Variants in KCNQ1OT1 observed in about 807,000 individuals in gnomAD.
The protein encoded by KCNQ1OT1 is KCNQ1 antisense RNA 2 (non-protein coding).
At position 2,615,495 on chromosome 11, in the gene KCNQ1OT1, A is replaced by G. The variant is rs1849045980; in HGVS notation, n.84500T>C. ...TATCTTACTCTTTGTTATGGGAGAA[A>G]TTTTTCAGTTTTTTTTCTCATTAAG... On this transcript the variant is annotated non_coding_transcript_exon_variant, in exon 1 of 1. Transcript: ENST00000597346. The G allele has an allele frequency of 7.5e-6, 3 of 397,764 alleles. No individual in the cohort carries two copies. The Admixed American group carries it at 1.3e-4, about 18-fold the overall frequency. The allele number at this position is 397,764 out of a possible 1,614,324, so 24.6% of individuals were successfully genotyped here.
At chr11:2,684,107 A>T (rs1211326790) in exon 1 of KCNQ1OT1, 1 of 398,526 alleles carries the variant, frequency 2.5e-6, no homozygotes, top group Non-Finnish European at 4.4e-6. Context: ...GAACCCTTTC[A>T]CATAGATTCT....
chr11:2,692,106 C>T (rs1272338265), exon 1 of KCNQ1OT1: 2 of 398,668 alleles, frequency 5.0e-6, no homozygotes, highest in African/African-American at 4.1e-5. Context: ...TCTCCACAGC[C>T]TCCATCATTT....
exon 1 of KCNQ1OT1, chr11:2,680,006 GC>G: frequency 2.5e-6 from 1 of 396,642 alleles, no homozygotes; most frequent in South Asian, 1.4e-4. Flanking sequence ...CAATTCTCCT[GC>G]CTTAGCCTCC....
exon 1 of KCNQ1OT1, chr11:2,656,166 A>G (rs1849844662): frequency 2.5e-6 from 1 of 398,656 alleles, no homozygotes; most frequent in Non-Finnish European, 4.4e-6. Context: ...AAACATCAAA[A>G]TATGTTTTTT....
Position 2,659,494 on chromosome 11 carries a change from A to T in KCNQ1OT1, n.40501T>A. 1 of 398,532 alleles carries T rather than the reference A, an allele frequency of 2.5e-6. No individual in the cohort carries two copies. Among genetic ancestry groups the T allele is most frequent in the Non-Finnish European group, 4.4e-6 (1 of 226,016 alleles). 24.7% of individuals were successfully genotyped at this position (398,532 alleles called of 1,614,324 possible). On this transcript the variant is annotated non_coding_transcript_exon_variant, in exon 1 of 1. Transcript: ENST00000597346. The surrounding 1 kb of genome is among the most constrained non-coding windows in gnomAD (Gnocchi z 4.3). ...TTGCATGAATATATACATTTTGTTT[A>T]TGCATTCACCTGTTGAAGGACATCT... is the stretch of plus-strand genomic sequence containing the variant.
rs1254997863 is a variant in KCNQ1OT1, at chr11:2,659,560, A to G, written n.40435T>C. 4 of 398,448 alleles carry G rather than the reference A, an allele frequency of 1.0e-5. No homozygotes were observed. The highest frequency in any genetic ancestry group is 1.3e-4 in the South Asian group (1 of 7,866). 24.7% of individuals were successfully genotyped at this position (398,448 alleles called of 1,614,324 possible). A position where few individuals can be genotyped will look rare whatever the true frequency, so the allele number is the denominator to read the frequency against. On this transcript the variant is annotated non_coding_transcript_exon_variant, in exon 1 of 1. Transcript: ENST00000597346. This position sits in a 1 kb window ranked among gnomAD's most constrained non-coding sequence, Gnocchi z 4.3. ...TTTGGTAATTATGAGCAGAGTTACT[A>G]TACACATTTATGTACAGGTTTTTGC...
exon 1 of KCNQ1OT1, chr11:2,665,873 G>GA (rs1850058220): frequency 2.5e-6 from 1 of 398,682 alleles, no homozygotes; most frequent in Non-Finnish European, 4.4e-6. Context: ...CTCTGAACTT[G>GA]GGGGCTGTGT....
In KCNQ1OT1 at chr11:2,661,760, A is replaced by G; in HGVS notation, n.38235T>C. The G allele has an allele frequency of 7.7e-6, 5 of 646,938 alleles. No individual in the cohort carries two copies. The highest frequency in any genetic ancestry group is 1.4e-5 in the Non-Finnish European group (5 of 360,230). The allele number at this position is 646,938 out of a possible 1,614,324, so 40.1% of individuals were successfully genotyped here. A position where few individuals can be genotyped will look rare whatever the true frequency, so the allele number is the denominator to read the frequency against. ...ATTCACTGGCCTTTATTCTCCTCAG[A>G]CACTGAGGTGTCAGGCACTTTGGGG... is the stretch of plus-strand genomic sequence containing the variant. On this transcript the variant is annotated non_coding_transcript_exon_variant, in exon 1 of 1. Coordinates refer to ENST00000597346, the Ensembl canonical transcript of KCNQ1OT1. This position sits in a 1 kb window ranked among gnomAD's most constrained non-coding sequence, Gnocchi z 5.9.
At chr11:2,646,582 A>G (rs1043768014) in exon 1 of KCNQ1OT1, 33 of 398,408 alleles carry the variant, frequency 8.3e-5, no homozygotes, top group South Asian at 1.3e-4. Context: ...CTGGGGTGCA[A>G]TGGTGCAATT....
chr11:2,662,554 T>TC, exon 1 of KCNQ1OT1: 2 of 426,468 alleles, frequency 4.7e-6, no homozygotes, highest in Non-Finnish European at 8.3e-6. Context: ...CAGTTGGCCT[T>TC]CCCCTGAGGC....
At position 2,608,962 on chromosome 11, in the gene KCNQ1OT1, G is replaced by T; in HGVS notation, n.91033C>A. The T allele has an allele frequency of 2.5e-6, 1 of 396,388 alleles. No homozygotes were observed. The highest frequency in any genetic ancestry group is 6.3e-4 in the Middle Eastern group (1 of 1,590). The allele number at this position is 396,388 out of a possible 1,614,324, so 24.6% of individuals were successfully genotyped here. A position where few individuals can be genotyped will look rare whatever the true frequency, so the allele number is the denominator to read the frequency against. ...CCTCTCTCTTACCAATCTATCAAAG[G>T]TTTGTTAATTTCAAAGAACCAAATT... On this transcript the variant is annotated non_coding_transcript_exon_variant, in exon 1 of 1. Coordinates refer to ENST00000597346, the Ensembl canonical transcript of KCNQ1OT1. The surrounding 1 kb of genome is among the most constrained non-coding windows in gnomAD (Gnocchi z 4.6).
At position 2,621,427 on chromosome 11, in the gene KCNQ1OT1, T is replaced by C. The variant is rs1849170406; in HGVS notation, n.78568A>G. ...TGCTTGTTGATTGGTTTAAGTTCCT[T>C]ATGGATTCTGGACATAGGACCTTTG... On this transcript the variant is annotated non_coding_transcript_exon_variant, in exon 1 of 1. Transcript: ENST00000597346. The surrounding 1 kb of genome is among the most constrained non-coding windows in gnomAD (Gnocchi z 5.7). 1 of 398,658 alleles carries C rather than the reference T, an allele frequency of 2.5e-6. No homozygotes were observed. Among genetic ancestry groups the C allele is most frequent in the East Asian group, 3.6e-5 (1 of 28,080 alleles). The allele number at this position is 398,658 out of a possible 1,614,324, so 24.7% of individuals were successfully genotyped here.
exon 1 of KCNQ1OT1, chr11:2,634,174 CT>C (rs201811937): frequency 2.0e-5 from 8 of 393,436 alleles, no homozygotes; most frequent in Admixed American, 4.5e-5. Context: ...CTCTCTCTCC[CT>C]TTTTTTTATT....
At position 2,678,993 on chromosome 11, in the gene KCNQ1OT1, A is replaced by T. The variant is rs914570118; in HGVS notation, n.21002T>A. The T allele has an allele frequency of 2.5e-5, 10 of 398,500 alleles. No individual in the cohort carries two copies. Among genetic ancestry groups the T allele is most frequent in the African/African-American group, 1.6e-4 (8 of 48,612 alleles). 24.7% of individuals were successfully genotyped at this position (398,500 alleles called of 1,614,324 possible). ...AAATAGGCCTAATTCAAGAATTTTT[A>T]AAAACCCGCAATAAGAAACATAATC... On this transcript the variant is annotated non_coding_transcript_exon_variant, in exon 1 of 1. Transcript: ENST00000597346. The surrounding 1 kb of genome is among the most constrained non-coding windows in gnomAD (Gnocchi z 4.9).
rs566705390 is a variant in KCNQ1OT1, at chr11:2,647,713, C to G, written n.52282G>C. 1 of 398,364 alleles carries G rather than the reference C, an allele frequency of 2.5e-6. No individual in the cohort carries two copies. The highest frequency in any genetic ancestry group is 2.1e-5 in the African/African-American group (1 of 48,668). 24.7% of individuals were successfully genotyped at this position (398,364 alleles called of 1,614,324 possible). A position where few individuals can be genotyped will look rare whatever the true frequency, so the allele number is the denominator to read the frequency against. Reference sequence around the variant, plus strand: ...GTTCAGATTTTTTTTCTTCCTGGTTCAATCTTGGGAGGTTATATATGTCCA... The same window carrying G: ...GTTCAGATTTTTTTTCTTCCTGGTTGAATCTTGGGAGGTTATATATGTCCA... On this transcript the variant is annotated non_coding_transcript_exon_variant, in exon 1 of 1. Coordinates refer to ENST00000597346, the Ensembl canonical transcript of KCNQ1OT1. This position sits in a 1 kb window ranked among gnomAD's most constrained non-coding sequence, Gnocchi z 4.0.
chr11:2,616,508 C>CA (rs1209865592), exon 1 of KCNQ1OT1: 4 of 397,440 alleles, frequency 1.0e-5, no homozygotes, highest in Non-Finnish European at 1.8e-5. Context: ...TCTTCTTTTT[C>CA]AGTGTGGGCA....
In KCNQ1OT1 at chr11:2,668,876, C is replaced by T; in HGVS notation, n.31119G>A. Reference sequence around the variant, plus strand: ...TGTCCTATTTAAGAAACTTTGACTACTCCAAGGTCATAAAGATATTCTGGT... The same window carrying T: ...TGTCCTATTTAAGAAACTTTGACTATTCCAAGGTCATAAAGATATTCTGGT... On this transcript the variant is annotated non_coding_transcript_exon_variant, in exon 1 of 1. Coordinates refer to ENST00000597346, the Ensembl canonical transcript of KCNQ1OT1. The surrounding 1 kb of genome is among the most constrained non-coding windows in gnomAD (Gnocchi z 4.3). The T allele has an allele frequency of 5.0e-6, 2 of 398,620 alleles. No individual in the cohort carries two copies. Among genetic ancestry groups the T allele is most frequent in the Non-Finnish European group, 8.8e-6 (2 of 226,064 alleles). The allele number at this position is 398,620 out of a possible 1,614,324, so 24.7% of individuals were successfully genotyped here. A position where few individuals can be genotyped will look rare whatever the true frequency, so the allele number is the denominator to read the frequency against.
exon 1 of KCNQ1OT1, chr11:2,640,255 C>T (rs776440924): frequency 2.0e-5 from 8 of 397,204 alleles, no homozygotes; most frequent in Non-Finnish European, 3.5e-5. Flanking sequence ...GATGAACCCA[C>T]TACCTCAGTT....
At position 2,647,758 on chromosome 11, in the gene KCNQ1OT1, T is replaced by C. The variant is rs77835752; in HGVS notation, n.52237A>G. 0.013 allele frequency: 5,091 copies of C among 398,516 alleles called. 156 individuals are homozygous for C. The highest frequency in any genetic ancestry group is 0.079 in the East Asian group (2,219 of 28,052). The allele number at this position is 398,516 out of a possible 1,614,324, so 24.7% of individuals were successfully genotyped here. A position where few individuals can be genotyped will look rare whatever the true frequency, so the allele number is the denominator to read the frequency against. On this transcript the variant is annotated non_coding_transcript_exon_variant, in exon 1 of 1. Coordinates refer to ENST00000597346, the Ensembl canonical transcript of KCNQ1OT1. This position sits in a 1 kb window ranked among gnomAD's most constrained non-coding sequence, Gnocchi z 4.0. Reference sequence around the variant, plus strand: ...TGTCCAGGAATTTATCTCTTTCCTCTAGGTTTTCTAATTGTTGACATATAG... The same window carrying C: ...TGTCCAGGAATTTATCTCTTTCCTCCAGGTTTTCTAATTGTTGACATATAG...
Sources: allele counts gnomAD v4.1 joint callset, GRCh38; gene constraint gnomAD v4.1.1; non-coding constraint Gnocchi (gnomAD v3.1); transcripts MANE v1.5; gene names NCBI Gene and HGNC (gene_info 2026-07-23, HGNC 2026-07-21).